The following SREK1 variants were observed in gnomAD, a reference collection of about 807,000 sequenced individuals.
SREK1 encodes the protein splicing regulatory glutamine/lysine-rich protein 1.
A neutral mutation model predicts 66.5 loss-of-function variants in SREK1; 13 were observed. The ratio of observed to expected loss-of-function variants is 0.20; its 90% CI spans 0.13 to 0.31. The LOEUF is 0.31. SREK1 is among the 10% of genes least tolerant of loss of function. The pLI is 1.00. For missense variants in SREK1, 607 were observed against 769.6 expected, an observed-to-expected ratio of 0.79 and a Z score of 2.50; for synonymous variants, 265 against 263.5, an observed-to-expected ratio of 1.01 and a Z score of -0.05.
At chr5:66,157,748 A>G in intron 2 of SREK1, 1 of 912,350 alleles carries the variant, frequency 1.1e-6, no homozygotes, top group Non-Finnish European at 1.3e-6. Context: ...TAATAAAGTA[A>G]TATAAACTTA....
In SREK1 at chr5:66,183,009, TATATC is replaced by T. The variant is rs1302719144; in HGVS notation, c.*4143_*4147del. 2.6e-5 allele frequency: 4 copies of T among 152,236 alleles called. No individual in the cohort carries two copies. The highest frequency in any genetic ancestry group is 7.2e-5 in the African/African-American group (3 of 41,476). 9.4% of individuals were successfully genotyped at this position (152,236 alleles called of 1,614,324 possible). A position where few individuals can be genotyped will look rare whatever the true frequency, so the allele number is the denominator to read the frequency against. On this transcript the variant is annotated 3_prime_UTR_variant, in exon 12 of 12. Transcript: ENST00000334121. ...AGCAATTAGTTTGTTACAATTAGCT[TATATC>T]AGATATAACAGTTCTTAATATAATG... is the stretch of plus-strand genomic sequence containing the variant.
At position 66,183,566 on chromosome 5, in the gene SREK1, G is replaced by A. The variant is rs1278142310; in HGVS notation, c.*4698G>A. The A allele has an allele frequency of 6.6e-6, 1 of 152,118 alleles. No homozygotes were observed. Among genetic ancestry groups the A allele is most frequent in the African/African-American group, 2.4e-5 (1 of 41,426 alleles). 9.4% of individuals were successfully genotyped at this position (152,118 alleles called of 1,614,324 possible). A position where few individuals can be genotyped will look rare whatever the true frequency, so the allele number is the denominator to read the frequency against. ...TACTAGTAAAGATTTATCAAACAAT[G>A]CTGCTATTATGTTGCTATATTTTTA... On this transcript the variant is annotated 3_prime_UTR_variant, in exon 12 of 12. Transcript: ENST00000334121.
chr5:66,165,365 T>C (rs1745087232), intron 7 of SREK1: 1 of 155,792 alleles, frequency 6.4e-6, no homozygotes, highest in African/African-American at 2.4e-5. Context: ...GTACCACGTA[T>C]CCAAAGGAAC....
chr5:66,170,496 T>A, intron 8 of SREK1, 89 bp from the exon 9 acceptor site: 3 of 1,439,642 alleles, frequency 2.1e-6, no homozygotes, highest in East Asian at 4.5e-5. Context: ...ATAAATTGTC[T>A]TGTGTTGGTA....
chr5:66,181,092 A>T lies in SREK1; in HGVS notation c.*2224A>T, dbSNP rs548610772. The T allele has an allele frequency of 6.6e-6, 1 of 152,202 alleles. No individual in the cohort carries two copies. 9.4% of individuals were successfully genotyped at this position (152,202 alleles called of 1,614,324 possible). On this transcript the variant is annotated 3_prime_UTR_variant, in exon 12 of 12. Transcript: ENST00000334121. ...AACATTTAATTTGGTTCTTGCTGCT[A>T]ATTATTTTCTCTGCTGATATTTATT... is the stretch of plus-strand genomic sequence containing the variant.
chr5:66,147,377 T>C (rs569595364), intron 1 of SREK1, among the ~76,000 whole-genome samples: 31 of 152,266 alleles, frequency 2.0e-4, no homozygotes, highest in African/African-American at 7.5e-4. Flanking sequence ...AATTTTTCAT[T>C]GAGGTTTAAT....
intron 9 of SREK1, 79 bp downstream of exon 9, chr5:66,171,026 G>T (rs1454041412): frequency 7.9e-6 from 12 of 1,509,618 alleles, no homozygotes; most frequent in Non-Finnish European, 9.7e-6. Flanking sequence ...AGGGAGAAAA[G>T]GTTACTGTAC....
intron 7 of SREK1, chr5:66,167,393 A>G (rs1745262311): frequency 1.3e-5 from 2 of 152,260 alleles, no homozygotes; most frequent in African/African-American, 4.8e-5. Flanking sequence ...TAATATTTTA[A>G]TGGAAAACAA....
At chr5:66,172,847 T>TTTTTTTTC (rs1745754166) in intron 9 of SREK1, among the ~76,000 whole-genome samples, 2 of 150,496 alleles carry the variant, frequency 1.3e-5, no homozygotes, top group African/African-American at 4.9e-5. Flanking sequence ...TTTTTTTTTT[T>TTTTTTTTC]TTAGACAGAG....
At chr5:66,174,024 T>G (rs58987348) in intron 9 of SREK1, among the ~76,000 whole-genome samples, 11 of 152,264 alleles carry the variant, frequency 7.2e-5, no homozygotes, top group African/African-American at 2.6e-4. Context: ...TTAAATTATT[T>G]TATTAGTCTC....
rs1228625210 is a variant in SREK1 at position 66,170,758 on chromosome 5, A to G, written c.1295A>G (p.Asp432Gly). Residue 432 changes from aspartate to glycine, a missense_variant, in exon 9 of 12, where the codon GAC becomes GGC. By Grantham distance (94) the Asp-to-Gly change is moderately conservative (BLOSUM62 -1). Around this residue, in one of 5 missense-constraint regions of SREK1, gnomAD observed 318 missense variants for 310.3 expected, o/e 1.02. Coordinates refer to ENST00000334121, the MANE Select transcript of SREK1 (RefSeq NM_001077199.3). The part of the protein sequence containing the change: ...EKDREKDKEK[D>G]REREREKEHE... The stretch of plus-strand genomic sequence containing the variant: ...GACCGGGAAAAAGACAAGGAAAAGG[A>G]CAGAGAGAGAGAACGGGAAAAAGAG... 3 of 1,600,428 alleles carry G rather than the reference A, an allele frequency of 1.9e-6. No individual in the cohort carries two copies. The highest frequency in any genetic ancestry group is 2.3e-5 in the East Asian group (1 of 44,224).
rs1208105208 is a variant in SREK1, at chr5:66,171,409, C to T, written c.1484+462C>T. On this transcript the variant is annotated intron_variant, in intron 9 of 11. Transcript: ENST00000334121. The stretch of plus-strand genomic sequence containing the variant: ...AAGTGCATAACATTTAAATTTTGGT[C>T]GTGTTTTATTTTGTCAGTTTTAAGG... Among the ~76,000 whole-genome samples the T allele has an allele frequency of 3.3e-5, 5 of 151,896 alleles. No individual in the cohort carries two copies. In the East Asian group the frequency reaches 5.8e-4, roughly 18 times the overall value.
chr5:66,178,727 G>A lies in SREK1; in HGVS notation c.1734G>A (p.Glu578=), dbSNP rs752337932. 7 of 1,608,272 alleles carry A rather than the reference G, an allele frequency of 4.4e-6. No homozygotes were observed. The African/African-American group carries it at 6.7e-5, about 15-fold the overall frequency. Residue 578 remains glutamate, a synonymous_variant, in exon 12 of 12, where the codon GAG becomes GAA. Transcript: ENST00000334121. ...TTAATTACTCATTGTAGGAGAAAGAGCACAATAAAGAACCAGATTCAAGTG... is the reference window on the plus strand; with the variant it reads ...TTAATTACTCATTGTAGGAGAAAGAACACAATAAAGAACCAGATTCAAGTG... The part of the protein sequence containing the change: ...EKNSTSLKEK[E]HNKEPDSSVS...
rs751945899 is a variant in SREK1 at position 66,177,640 on chromosome 5, G to C, written c.1707G>C (p.Lys569Asn). Residue 569 changes from lysine to asparagine, a missense_variant, in exon 11 of 12, where the codon AAG becomes AAC. Physicochemically the swap from Lys to Asn is moderately conservative, Grantham distance 94. Transcript: ENST00000334121. Reference sequence around the variant, plus strand: ...GAGATGGGAAGGAGAAGTTGGAGAAGAACAGTACTTCACTTAAAGTAAGCA... The same window carrying C: ...GAGATGGGAAGGAGAAGTTGGAGAACAACAGTACTTCACTTAAAGTAAGCA... ...NDRDGKEKLE[K>N]NSTSLKEKEH... 6.2e-6 allele frequency: 10 copies of C among 1,601,140 alleles called. No individual in the cohort carries two copies. The South Asian group carries it at 1.1e-4, about 18-fold the overall frequency.
chr5:66,155,401 G>T (rs548028557), intron 2 of SREK1, among the ~76,000 whole-genome samples: 1 of 152,114 alleles, frequency 6.6e-6, no homozygotes, highest in Non-Finnish European at 1.5e-5. Context: ...TATTAAATAC[G>T]GCAGAGATGA....
intron 7 of SREK1, 59 bp downstream of exon 7, chr5:66,164,956 G>T: frequency 6.8e-7 from 1 of 1,474,834 alleles, no homozygotes; most frequent in Non-Finnish European, 9.1e-7. Flanking sequence ...AAAATATTAA[G>T]ATTTTATGAG....
Position 66,153,507 on chromosome 5 carries a change from T to A in SREK1, c.206T>A (p.Phe69Tyr). The A allele has an allele frequency of 6.2e-7, 1 of 1,614,048 alleles. No individual in the cohort carries two copies. Among genetic ancestry groups the A allele is most frequent in the Non-Finnish European group, 8.5e-7 (1 of 1,179,968 alleles). The change falls in exon 2 of 12, where the codon TTT becomes TAT. Residue 69 changes from phenylalanine to tyrosine, a missense_variant. Physicochemically the swap from Phe to Tyr is conservative, Grantham distance 22. Coordinates refer to ENST00000334121, the MANE Select transcript of SREK1 (RefSeq NM_001077199.3). ...TCCTCCAAAGTATGTTATGTTAAGT[T>A]TCGTGATCCATCAAGTGTTGGCGTG... ...AFSSKVCYVK[F>Y]RDPSSVGVAQ...
intron 6 of SREK1, 63 bp downstream of exon 6, chr5:66,163,985 G>A: frequency 6.6e-6 from 10 of 1,522,926 alleles, no homozygotes; most frequent in Non-Finnish European, 8.0e-6. Flanking sequence ...AGAACTGGAA[G>A]GAATTTTAGA....
At chr5:66,175,073 G>T in intron 10 of SREK1, 32 bp downstream of exon 10, 1 of 1,513,262 alleles carries the variant, frequency 6.6e-7, no homozygotes, top group Non-Finnish European at 8.9e-7. Flanking sequence ...AAACTAAACA[G>T]GAGAAAGCAA....
Sources: gnomAD v4.1 joint callset for allele counts (sites outside exome capture counted in the v4.1 genomes callset) on GRCh38, gnomAD v4.1.1 for gene constraint, gnomAD v4.1.1 regional missense constraint, MANE v1.5 for transcripts, NCBI Gene and HGNC (gene_info 2026-07-23, HGNC 2026-07-21) for gene names.